Variants in YWHAE observed in about 807,000 individuals in gnomAD.
The protein encoded by YWHAE is 14-3-3 protein epsilon.
YWHAE carries 4 observed loss-of-function variants against 30.1 expected under a neutral mutation model. The observed-to-expected ratio is 0.13, with a 90% CI of 0.07 to 0.30. YWHAE has a LOEUF of 0.30. Among genes scored for constraint, YWHAE ranks in the 10% least tolerant of loss-of-function variants. YWHAE has a pLI of 1.00. For synonymous variants in YWHAE, 118 were observed against 111.8 expected, an observed-to-expected ratio of 1.06 and a Z score of -0.35; for missense variants, 121 against 315.9, an observed-to-expected ratio of 0.38 and a Z score of 4.68.
intron 1 of YWHAE, among the ~76,000 whole-genome samples, chr17:1,378,579 G>A (rs2150866069): frequency 6.6e-6 from 1 of 152,286 alleles, no homozygotes; most frequent in African/African-American, 2.4e-5. Flanking sequence ...CATCAGTTCT[G>A]TACTAAAAAG....
At chr17:1,385,509 T>C (rs76601672) in intron 1 of YWHAE, among the ~76,000 whole-genome samples, 1,879 of 152,266 alleles carry the variant, frequency 0.012, 31 homozygotes, top group East Asian at 0.052. Context: ...TCCCCAACCT[T>C]TGTGGCACCA....
At chr17:1,398,257 A>C (rs1187435276) in intron 1 of YWHAE, among the ~76,000 whole-genome samples, 1 of 152,134 alleles carries the variant, frequency 6.6e-6, no homozygotes, top group African/African-American at 2.4e-5. Context: ...TTCCAATACA[A>C]GCACATTCAT....
intron 5 of YWHAE, among the ~76,000 whole-genome samples, chr17:1,353,568 G>T (rs555355682): frequency 6.6e-6 from 1 of 152,038 alleles, no homozygotes; most frequent in East Asian, 1.9e-4. Context: ...TTCAAGACCA[G>T]CCTGACCAAC....
At chr17:1,368,347 G>T (rs1248909301) in intron 1 of YWHAE, among the ~76,000 whole-genome samples, 2 of 151,694 alleles carry the variant, frequency 1.3e-5, no homozygotes, top group Non-Finnish European at 2.9e-5. Context: ...CTGTACTCCA[G>T]TCTGGGCAAC....
At chr17:1,398,338 C>CCA (rs2073506093) in intron 1 of YWHAE, among the ~76,000 whole-genome samples, 2 of 93,942 alleles carry the variant, frequency 2.1e-5, no homozygotes, top group South Asian at 3.7e-4. Context: ...ATCTTATCCC[C>CCA]CCCCCCAACA....
chr17:1,345,511 GA>G lies in YWHAE; in HGVS notation c.716-13del, dbSNP rs758796792. ...ATTCTGCTCTTCACCTGTTAAAAAA[GA>G]AAAAAAGTCAATTATTTCGTATTGA... On this transcript the variant is annotated splice_polypyrimidine_tract_variant and intron_variant, in intron 5 of 5. Transcript: ENST00000264335. 4.3e-6 allele frequency: 7 copies of G among 1,612,318 alleles called. No individual in the cohort carries two copies. The highest frequency in any genetic ancestry group is 5.1e-6 in the Non-Finnish European group (6 of 1,179,542).
At chr17:1,387,031 G>C (rs1444871641) in intron 1 of YWHAE, among the ~76,000 whole-genome samples, 1 of 151,174 alleles carries the variant, frequency 6.6e-6, no homozygotes, top group African/African-American at 2.4e-5. Flanking sequence ...TTCCAAATCA[G>C]CTTTTGCTAG....
At chr17:1,357,261 G>C (rs2072764157) in intron 4 of YWHAE, among the ~76,000 whole-genome samples, 1 of 152,008 alleles carries the variant, frequency 6.6e-6, no homozygotes, top group African/African-American at 2.4e-5. Context: ...AAATTAGCCG[G>C]GCGTGGTGGC....
chr17:1,381,684 C>T (rs1366209988), intron 1 of YWHAE, among the ~76,000 whole-genome samples: 1 of 151,808 alleles, frequency 6.6e-6, no homozygotes, highest in Non-Finnish European at 1.5e-5. Flanking sequence ...GGGAGGCCAA[C>T]GCGGGTGGAT....
intron 1 of YWHAE, among the ~76,000 whole-genome samples, chr17:1,393,164 AAATAAAT>A (rs1454695626): frequency 1.4e-5 from 2 of 146,982 alleles, no homozygotes; most frequent in Admixed American, 6.7e-5. Context: ...ATAAATAAAT[AAATAAAT>A]AAAATTTAAA....
At chr17:1,357,357 C>A (rs552335086) in intron 4 of YWHAE, among the ~76,000 whole-genome samples, 1 of 140,522 alleles carries the variant, frequency 7.1e-6, no homozygotes, top group African/African-American at 2.7e-5. Flanking sequence ...GAGCCGAGAT[C>A]GCGCTACTGC....
intron 1 of YWHAE, among the ~76,000 whole-genome samples, chr17:1,390,218 T>C (rs2073369321): frequency 6.6e-6 from 1 of 152,216 alleles, no homozygotes; most frequent in Non-Finnish European, 1.5e-5. Flanking sequence ...AGAAAGTCTC[T>C]TATTAATCTA....
intron 3 of YWHAE, 38 bp from the exon 4 acceptor site, chr17:1,361,336 T>G: frequency 7.5e-7 from 1 of 1,331,142 alleles, no homozygotes. Flanking sequence ...AAAAAAAATT[T>G]AAACTAGGAA....
chr17:1,390,742 TAA>T (rs1406329034), intron 1 of YWHAE, among the ~76,000 whole-genome samples: 2 of 152,234 alleles, frequency 1.3e-5, no homozygotes, highest in Non-Finnish European at 2.9e-5. Context: ...AATGAAGAGT[TAA>T]ACACATTTCA....
chr17:1,376,392 AAG>A (rs374019687), intron 1 of YWHAE, among the ~76,000 whole-genome samples: 9 of 72,040 alleles, frequency 1.2e-4, no homozygotes, highest in Admixed American at 2.3e-4. Context: ...AAGAAAAAGA[AAG>A]AGAGAGAAAG....
In YWHAE at chr17:1,393,159, TAA is replaced by T. The variant is rs1446017034; in HGVS notation, c.64+6886_64+6887del. On this transcript the variant is annotated intron_variant, in intron 1 of 5. Transcript: ENST00000264335. ...AAAAATAAATAAATAAATAAATAAA[TAA>T]ATAAATAAATAAAATTTAAAAACAT... Among the ~76,000 whole-genome samples the T allele has an allele frequency of 3.5e-4, 51 of 145,692 alleles. No individual in the cohort carries two copies. In the South Asian group the frequency reaches 0.01, roughly 29 times the overall value.
At chr17:1,373,812 T>C (rs1039713090) in intron 1 of YWHAE, among the ~76,000 whole-genome samples, 11 of 152,056 alleles carry the variant, frequency 7.2e-5, no homozygotes, top group African/African-American at 2.7e-4. Context: ...TCTGTAAAAA[T>C]GTAGTATCTG....
intron 3 of YWHAE, chr17:1,361,618 T>C: frequency 2.4e-6 from 1 of 421,384 alleles, no homozygotes; most frequent in Non-Finnish European, 4.2e-6. Context: ...GACAGTTTAT[T>C]AATCATAAAA....
intron 1 of YWHAE, among the ~76,000 whole-genome samples, chr17:1,371,423 AT>A (rs919846416): frequency 1.8e-4 from 26 of 148,236 alleles, no homozygotes; most frequent in Admixed American, 2.7e-4. Flanking sequence ...ATTGAAGGGA[AT>A]TTTTTTTTTT....
Sources: allele counts gnomAD v4.1 joint callset (sites outside exome capture counted in the v4.1 genomes callset), GRCh38; gene constraint gnomAD v4.1.1; transcripts MANE v1.5; gene names NCBI Gene and HGNC (gene_info 2026-07-23, HGNC 2026-07-21).